The following SGPP2 variants were observed in gnomAD, a reference collection of about 807,000 sequenced individuals.
SGPP2 encodes sphingosine 1-phosphate phosphohydrolase 2.
SGPP2 carries 30 observed loss-of-function variants against 33.9 expected under a neutral mutation model. That is an observed-to-expected ratio of 0.89 (90% CI 0.66 to 1.20). SGPP2 has a LOEUF of 1.20. SGPP2 is among the 50% of genes most tolerant of loss of function. The pLI is 0.00. For missense variants in SGPP2, 458 were observed against 532.1 expected (o/e 0.86, Z 1.37); for synonymous variants, 233 against 225.0 (o/e 1.04, Z -0.32).
intron 2 of SGPP2, among the ~76,000 whole-genome samples, chr2:222,502,923 C>T (rs1698389393): frequency 6.6e-6 from 1 of 152,126 alleles, no homozygotes; most frequent in African/African-American, 2.4e-5. Context: ...AGTTGCATTG[C>T]CTTTTAAAAA....
intron 2 of SGPP2, among the ~76,000 whole-genome samples, chr2:222,481,354 TTGTA>T (rs1698027022): frequency 6.6e-6 from 1 of 152,228 alleles, no homozygotes; most frequent in Admixed American, 6.5e-5. Context: ...TTGTATTAAC[TTGTA>T]TGAATTGTCA....
intron 2 of SGPP2, among the ~76,000 whole-genome samples, chr2:222,506,666 G>C (rs1288807165): frequency 6.6e-6 from 1 of 152,126 alleles, no homozygotes; most frequent in African/African-American, 2.4e-5. Context: ...TAGTAGTTAA[G>C]TTTTGGAGAA....
chr2:222,522,054 AATAAAG>A, intron 3 of SGPP2, 108 bp downstream of exon 3: 1 of 1,006,674 alleles, frequency 9.9e-7, no homozygotes, highest in African/African-American at 1.7e-5. Context: ...AGGTTTATGA[AATAAAG>A]ATTAAGAGAA....
chr2:222,525,001 A>C lies in SGPP2; in HGVS notation c.616A>C (p.Ser206Arg), dbSNP rs201521363. The change falls in exon 4 of 5, where the codon AGC becomes CGC. Residue 206 changes from serine (S) to arginine (R), a missense_variant. Transcript: ENST00000321276. ...GGTGTTTTCCACCTTGGTGTGTCTC[A>C]GCAGGCTCTACACTGGGATGCATAC... ...AVVFSTLVCL[S>R]RLYTGMHTVL... 3 of 1,614,120 alleles carry C rather than the reference A, an allele frequency of 1.9e-6. No individual in the cohort carries two copies. Among genetic ancestry groups the C allele is most frequent in the Non-Finnish European group, 2.5e-6 (3 of 1,179,972 alleles).
intron 4 of SGPP2, among the ~76,000 whole-genome samples, chr2:222,545,249 T>C (rs570561622): frequency 6.6e-6 from 1 of 151,794 alleles, no homozygotes; most frequent in South Asian, 2.1e-4. Context: ...ACTTTGGCAA[T>C]CAAACAAGTA....
At chr2:222,515,546 C>G (rs1698592152) in intron 2 of SGPP2, among the ~76,000 whole-genome samples, 1 of 151,888 alleles carries the variant, frequency 6.6e-6, no homozygotes, top group Non-Finnish European at 1.5e-5. Flanking sequence ...TCAGGCTGGT[C>G]TCAAACTACC....
chr2:222,510,748 G>A (rs765041967), intron 2 of SGPP2, among the ~76,000 whole-genome samples: 2 of 152,078 alleles, frequency 1.3e-5, no homozygotes, highest in South Asian at 2.1e-4. Context: ...GGTATTTTGC[G>A]GGGATGAAGA....
intron 2 of SGPP2, among the ~76,000 whole-genome samples, chr2:222,517,829 T>G (rs1698628921): frequency 6.6e-6 from 1 of 152,248 alleles, no homozygotes. Flanking sequence ...ACACCCCTGT[T>G]GCACGTCCTG....
At position 222,524,938 on chromosome 2, in the gene SGPP2, C is replaced by G; in HGVS notation, c.559-6C>G. The G allele has an allele frequency of 6.2e-7, 1 of 1,612,536 alleles. No individual in the cohort carries two copies. Among genetic ancestry groups the G allele is most frequent in the Non-Finnish European group, 8.5e-7 (1 of 1,179,038 alleles). The stretch of plus-strand genomic sequence containing the variant: ...AATTCCCTTGTTTTTTCTCCTTCCC[C>G]CACAGTATCCATTTGTGTTGGGACT... On this transcript the variant is annotated splice_region_variant and splice_polypyrimidine_tract_variant and intron_variant, in intron 3 of 4. Coordinates refer to ENST00000321276, the MANE Select transcript of SGPP2 (RefSeq NM_152386.4).
chr2:222,476,545 T>C lies in SGPP2; in HGVS notation c.378+1819T>C, dbSNP rs1300445872. On this transcript the variant is annotated intron_variant, in intron 2 of 4. Coordinates refer to ENST00000321276, the MANE Select transcript of SGPP2 (RefSeq NM_152386.4). This position sits in a 1 kb window ranked among gnomAD's most constrained non-coding sequence, Gnocchi z 4.3. ...TGTCCCTCCCCGTTTCTGAGGCCAC[T>C]TCTGTGTCCACGGAGCAGGCAGGAT... Among the ~76,000 whole-genome samples the C allele has an allele frequency of 6.6e-6, 1 of 152,118 alleles. No individual in the cohort carries two copies. The highest frequency in any genetic ancestry group is 2.4e-5 in the African/African-American group (1 of 41,404).
At position 222,559,980 on chromosome 2, in the gene SGPP2, C is replaced by T. The variant is rs959602447; in HGVS notation, c.*1082C>T. On this transcript the variant is annotated 3_prime_UTR_variant, in exon 5 of 5. Transcript: ENST00000321276. ...GGTACCATTACCACACTCTTCTGAC[C>T]CATGAAACCAACTGGCTGCTCACAC... 2.0e-5 allele frequency: 3 copies of T among 152,412 alleles called. No individual in the cohort carries two copies. The highest frequency in any genetic ancestry group is 7.2e-5 in the African/African-American group (3 of 41,560). 9.4% of individuals were successfully genotyped at this position (152,412 alleles called of 1,614,324 possible).
chr2:222,536,113 C>T (rs1026593382), intron 4 of SGPP2, among the ~76,000 whole-genome samples: 5 of 152,054 alleles, frequency 3.3e-5, no homozygotes, highest in African/African-American at 4.8e-5. Flanking sequence ...AGCCAGGCTC[C>T]GTTTGCTTCT....
At chr2:222,450,375 A>G (rs571616764) in intron 1 of SGPP2, among the ~76,000 whole-genome samples, 1 of 152,166 alleles carries the variant, frequency 6.6e-6, no homozygotes, top group Non-Finnish European at 1.5e-5. Flanking sequence ...ATTTGTGGAA[A>G]TTTTCCAAAT....
At chr2:222,547,957 T>C (rs1574890690) in intron 4 of SGPP2, among the ~76,000 whole-genome samples, 1 of 152,316 alleles carries the variant, frequency 6.6e-6, no homozygotes, top group South Asian at 2.1e-4. Flanking sequence ...CTAGTAAGTA[T>C]GTATAGACAA....
chr2:222,459,195 G>A (rs1292657613), intron 1 of SGPP2, among the ~76,000 whole-genome samples: 2 of 130,096 alleles, frequency 1.5e-5, no homozygotes, highest in African/African-American at 5.8e-5. Flanking sequence ...CTCCTAGGCT[G>A]GAGTGCAGTG....
Position 222,553,453 on chromosome 2 carries a change from CT to C in SGPP2, c.649-4891del, listed in dbSNP as rs144083823. On this transcript the variant is annotated intron_variant, in intron 4 of 4. Coordinates refer to ENST00000321276, the MANE Select transcript of SGPP2 (RefSeq NM_152386.4). ...TTAATGAAACCCATGTCATAGAAGA[CT>C]TTGTAAACCTCTATGCTAGTATTTC... is the stretch of plus-strand genomic sequence containing the variant. 7.1e-4 allele frequency among the ~76,000 whole-genome samples: 108 copies of C among 152,270 alleles called. 1 individual carries two copies. The East Asian group carries it at 0.015, about 21-fold the overall frequency.
In SGPP2 at chr2:222,559,550, CT is replaced by C. The variant is rs1559180712; in HGVS notation, c.*653del. ...AATCTCAGCTCACTGCAAACTCTGC[CT>C]CCCGGGCTCAAGCAATCCTCCTGCC... On this transcript the variant is annotated 3_prime_UTR_variant, in exon 5 of 5. Transcript: ENST00000321276. The C allele has an allele frequency of 6.5e-6, 1 of 152,694 alleles. No homozygotes were observed. The highest frequency in any genetic ancestry group is 1.5e-5 in the Non-Finnish European group (1 of 68,506). 9.5% of individuals were successfully genotyped at this position (152,694 alleles called of 1,614,324 possible).
intron 1 of SGPP2, among the ~76,000 whole-genome samples, chr2:222,459,122 T>TTTC (rs1559149456): frequency 1.4e-4 from 19 of 138,932 alleles, no homozygotes; most frequent in African/African-American, 4.6e-4. Context: ...ACACACTTTT[T>TTTC]TTTCTTTCTT....
rs114201374 is a variant in SGPP2 at position 222,528,946 on chromosome 2, G to A, written c.648+3913G>A. 8.4e-3 allele frequency among the ~76,000 whole-genome samples: 1,277 copies of A among 152,204 alleles called. 26 individuals carry two copies. Among genetic ancestry groups the A allele is most frequent in the African/African-American group, 0.029 (1,225 of 41,532 alleles). On this transcript the variant is annotated intron_variant, in intron 4 of 4. Coordinates refer to ENST00000321276, the MANE Select transcript of SGPP2 (RefSeq NM_152386.4). ...AAAATAGACAACAATGAAGTTTGCC[G>A]CATCAATTGACTCTTCCTTTTAGGA...
Sources: gnomAD v4.1 joint callset for allele counts (sites outside exome capture counted in the v4.1 genomes callset) on GRCh38, gnomAD v4.1.1 for gene constraint, Gnocchi (gnomAD v3.1) non-coding constraint, MANE v1.5 for transcripts, NCBI Gene and HGNC (gene_info 2026-07-23, HGNC 2026-07-21) for gene names.